The following CALCR variants were observed in gnomAD, a reference collection of about 807,000 sequenced individuals.
CALCR encodes calcitonin receptor.
In CALCR, 47 loss-of-function variants were observed where a neutral mutation model predicts 59.5. That is an observed-to-expected ratio of 0.79 (90% confidence interval 0.63 to 1.01). The LOEUF is 1.01. Among genes scored for constraint, CALCR ranks in the 50% least tolerant of loss-of-function variants. The pLI, the probability that CALCR is intolerant of heterozygous loss-of-function variation, is 0.00. For missense variants in CALCR, 566 were observed against 597.1 expected (o/e 0.95, Z 0.54); for synonymous variants, 213 against 211.3 (o/e 1.01, Z -0.07).
chr7:93,434,742 C>T (rs1036931556), intron 12 of CALCR, among the ~76,000 whole-genome samples: 7 of 152,030 alleles, frequency 4.6e-5, no homozygotes, highest in African/African-American at 1.5e-4. Flanking sequence ...CTGTACCCAC[C>T]GCCAAGTTCA....
chr7:93,518,018 T>A (rs990171800), intron 2 of CALCR, among the ~76,000 whole-genome samples: 5 of 151,942 alleles, frequency 3.3e-5, no homozygotes, highest in African/African-American at 7.2e-5. Context: ...TCCCTACATC[T>A]AAATAAATTT....
At chr7:93,450,088 C>G (rs1001848479) in intron 8 of CALCR, among the ~76,000 whole-genome samples, 15 of 152,016 alleles carry the variant, frequency 9.9e-5, no homozygotes, top group African/African-American at 3.4e-4. Flanking sequence ...CTATCCTTTT[C>G]CATCTATCCT....
intron 13 of CALCR, among the ~76,000 whole-genome samples, chr7:93,432,453 A>G (rs1799678336): frequency 6.6e-6 from 1 of 152,212 alleles, no homozygotes; most frequent in Non-Finnish European, 1.5e-5. Flanking sequence ...GGTCTGTGAT[A>G]TTACATCTGG....
At chr7:93,561,318 C>A (rs1789743083) in intron 2 of CALCR, among the ~76,000 whole-genome samples, 1 of 151,896 alleles carries the variant, frequency 6.6e-6, no homozygotes, top group African/African-American at 2.4e-5. Context: ...AGCCTGCATC[C>A]TTGAAAATTC....
chr7:93,505,026 C>T (rs1801397679), intron 2 of CALCR, among the ~76,000 whole-genome samples: 1 of 152,048 alleles, frequency 6.6e-6, no homozygotes, highest in African/African-American at 2.4e-5. Flanking sequence ...GATATAGTCC[C>T]ACCACCTATA....
At chr7:93,474,928 G>T (rs950615806) in intron 5 of CALCR, among the ~76,000 whole-genome samples, 12 of 151,706 alleles carry the variant, frequency 7.9e-5, no homozygotes, top group Non-Finnish European at 1.6e-4. Context: ...AATATTTGAA[G>T]AACACTGCTA....
At chr7:93,521,844 C>T (rs1186598803) in intron 2 of CALCR, among the ~76,000 whole-genome samples, 1 of 152,030 alleles carries the variant, frequency 6.6e-6, no homozygotes, top group African/African-American at 2.4e-5. Context: ...AATTCTTTCT[C>T]TTTATCAAAA....
intron 2 of CALCR, among the ~76,000 whole-genome samples, chr7:93,534,330 G>A (rs1238350649): frequency 1.3e-5 from 2 of 151,786 alleles, no homozygotes; most frequent in Non-Finnish European, 3.0e-5. Flanking sequence ...AAATCACACA[G>A]AAAGTAAATG....
chr7:93,540,026 G>A (rs1457866470), intron 2 of CALCR, among the ~76,000 whole-genome samples: 1 of 152,126 alleles, frequency 6.6e-6, no homozygotes, highest in African/African-American at 2.4e-5. Flanking sequence ...CATTCCCTTG[G>A]GGGAATTGTG....
intron 2 of CALCR, among the ~76,000 whole-genome samples, chr7:93,542,397 T>C (rs908455925): frequency 7.2e-5 from 11 of 152,210 alleles, no homozygotes; most frequent in African/African-American, 2.4e-4. Context: ...ATTTTTAAAA[T>C]GGTATACCTG....
intron 2 of CALCR, among the ~76,000 whole-genome samples, chr7:93,567,714 C>T (rs998238289): frequency 2.0e-5 from 3 of 151,934 alleles, no homozygotes; most frequent in Non-Finnish European, 4.4e-5. Flanking sequence ...CCCTGCCCCC[C>T]AACAGGCCCC....
chr7:93,559,019 G>A (rs1241669891), intron 2 of CALCR, among the ~76,000 whole-genome samples: 1 of 152,128 alleles, frequency 6.6e-6, no homozygotes, highest in Non-Finnish European at 1.5e-5. Flanking sequence ...AAGGAGAGCA[G>A]TGTGTTGGGA....
intron 2 of CALCR, among the ~76,000 whole-genome samples, chr7:93,539,554 A>G (rs938662218): frequency 6.6e-6 from 1 of 152,066 alleles, no homozygotes; most frequent in Admixed American, 6.6e-5. Flanking sequence ...TTCTTTGGTC[A>G]ATTACACCCA....
intron 2 of CALCR, among the ~76,000 whole-genome samples, chr7:93,531,671 A>C (rs1432906760): frequency 6.6e-6 from 1 of 152,106 alleles, no homozygotes; most frequent in Non-Finnish European, 1.5e-5. Context: ...TGATTTCTTT[A>C]ATTGTGTTCA....
chr7:93,441,268 A>G (rs1370632009), intron 9 of CALCR, among the ~76,000 whole-genome samples: 4 of 152,090 alleles, frequency 2.6e-5, no homozygotes, highest in Non-Finnish European at 4.4e-5. Flanking sequence ...AAAGAAATAT[A>G]CCACAGATTT....
chr7:93,559,734 G>C (rs1352377283), intron 2 of CALCR: 1 of 151,858 alleles, frequency 6.6e-6, no homozygotes, highest in Non-Finnish European at 1.5e-5. Context: ...TAAATTGCGG[G>C]CAGCAAAAGA....
chr7:93,500,060 A>C (rs1279823285), intron 2 of CALCR, among the ~76,000 whole-genome samples: 1 of 151,910 alleles, frequency 6.6e-6, no homozygotes, highest in African/African-American at 2.4e-5. Context: ...TTCTCACTCT[A>C]TAGATGAGCA....
At chr7:93,532,147 A>G (rs912273242) in intron 2 of CALCR, among the ~76,000 whole-genome samples, 2 of 152,084 alleles carry the variant, frequency 1.3e-5, no homozygotes, top group Non-Finnish European at 2.9e-5. Flanking sequence ...AAGTAGTGGT[A>G]AAATAAATCA....
At position 93,528,784 on chromosome 7, in the gene CALCR, A is replaced by C. The variant is rs1023130363; in HGVS notation, c.-26-41777T>G. Among the ~76,000 whole-genome samples the C allele has an allele frequency of 2.0e-5, 3 of 152,180 alleles. No homozygotes were observed. In the East Asian group the frequency reaches 5.8e-4, roughly 29 times the overall value. On this transcript the variant is annotated intron_variant, in intron 2 of 13. Transcript: ENST00000426151. The stretch of plus-strand genomic sequence containing the variant: ...CTAAAGTTGAAGTTCCATAATACTA[A>C]TATTCTATTTGACCACAAGATACTT...
Sources: gnomAD v4.1 joint callset for allele counts (sites outside exome capture counted in the v4.1 genomes callset) on GRCh38, gnomAD v4.1.1 for gene constraint, MANE v1.5 for transcripts, NCBI Gene and HGNC (gene_info 2026-07-23, HGNC 2026-07-21) for gene names.